Variants in MYT1L observed in about 807,000 individuals in gnomAD.
The protein encoded by MYT1L is myelin transcription factor 1 like, also known as myelin transcription factor 1-like protein.
Under a neutral mutation model 126.7 loss-of-function variants are expected in MYT1L, and 12 were observed. The observed-to-expected ratio is 0.09, with a 90% CI of 0.06 to 0.15. The LOEUF (loss-of-function observed/expected upper bound fraction) is 0.15. Among genes scored for constraint, MYT1L ranks in the 10% least tolerant of loss-of-function variants. The pLI is 1.00. For missense variants in MYT1L, 979 were observed against 1,585.2 expected, an observed-to-expected ratio of 0.62 and a Z score of 6.49; for synonymous variants, 541 against 604.2, an observed-to-expected ratio of 0.90 and a Z score of 1.53.
chr2:1,942,901 T>C (rs2056809103), intron 9 of MYT1L, 81 bp downstream of exon 9: 2 of 1,453,132 alleles, frequency 1.4e-6, no homozygotes, highest in Admixed American at 2.6e-5. Flanking sequence ...ATGCCAGTCA[T>C]TCGTAGTAAC....
chr2:2,075,221 G>C (rs938759205), intron 3 of MYT1L, among the ~76,000 whole-genome samples: 1 of 152,162 alleles, frequency 6.6e-6, no homozygotes, highest in Admixed American at 6.5e-5. Context: ...CCTTTTTGGG[G>C]CAGAGGAAAT....
chr2:2,063,477 T>C (rs1325864049), intron 3 of MYT1L, among the ~76,000 whole-genome samples: 1 of 152,130 alleles, frequency 6.6e-6, no homozygotes, highest in Non-Finnish European at 1.5e-5. Flanking sequence ...GGCTCCTGAC[T>C]AGGGGTGCCT....
Position 2,069,361 on chromosome 2 carries a change from T to C in MYT1L, c.-303-15238A>G, listed in dbSNP as rs181236357. ...TCTTGTGTTAGTTTGCTGAGAATGA[T>C]GGTTTCCAACTTCATCCATGTCCCT... On this transcript the variant is annotated intron_variant, in intron 3 of 24. Transcript: ENST00000647738. 3.9e-4 allele frequency among the ~76,000 whole-genome samples: 59 copies of C among 152,302 alleles called. No homozygotes were observed. In the East Asian group the frequency reaches 8.3e-3, roughly 21 times the overall value.
chr2:2,081,842 C>T (rs1014328131), intron 3 of MYT1L, among the ~76,000 whole-genome samples: 2 of 152,072 alleles, frequency 1.3e-5, no homozygotes, highest in Admixed American at 6.6e-5. Context: ...TGGGTTCAAG[C>T]GATTCTCCTG....
chr2:2,040,222 C>T (rs1455163257), intron 4 of MYT1L, among the ~76,000 whole-genome samples: 1 of 152,218 alleles, frequency 6.6e-6, no homozygotes, highest in Non-Finnish European at 1.5e-5. Context: ...GCACTTGACA[C>T]TGTGCTGAGC....
In MYT1L at chr2:2,013,059, T is replaced by C. The variant is rs979215508; in HGVS notation, c.-157-15712A>G. 3.9e-5 allele frequency among the ~76,000 whole-genome samples: 6 copies of C among 152,162 alleles called. No individual in the cohort carries two copies. The East Asian group carries it at 1.2e-3, about 29-fold the overall frequency. On this transcript the variant is annotated intron_variant, in intron 4 of 24. Coordinates refer to ENST00000647738, the MANE Select transcript of MYT1L (RefSeq NM_001303052.2). ...TGCCCACGGGGGGTCTTGGAATGTATCCCACAGATACAGGAGAACACGCGA... is the reference window on the plus strand; with the variant it reads ...TGCCCACGGGGGGTCTTGGAATGTACCCCACAGATACAGGAGAACACGCGA...
intron 5 of MYT1L, among the ~76,000 whole-genome samples, chr2:1,981,141 A>G (rs2060579388): frequency 6.6e-6 from 1 of 152,228 alleles, no homozygotes; most frequent in Non-Finnish European, 1.5e-5. Context: ...AGAAATCCAC[A>G]TGGACAGTGC....
chr2:1,814,040 AAAAG>A (rs1447210793), intron 21 of MYT1L, among the ~76,000 whole-genome samples: 3 of 149,218 alleles, frequency 2.0e-5, no homozygotes, highest in Non-Finnish European at 3.0e-5. Context: ...AAAAAAAAAA[AAAAG>A]AAAGAAAAAT....
At chr2:1,840,700 G>T in intron 20 of MYT1L, 60 bp downstream of exon 20, 1 of 1,232,994 alleles carries the variant, frequency 8.1e-7, no homozygotes, top group Non-Finnish European at 1.2e-6. Flanking sequence ...TGCTTTGCTT[G>T]AATGCCTCGT....
chr2:2,211,807 A>AGAG (rs761609526), intron 2 of MYT1L, among the ~76,000 whole-genome samples: 1 of 149,296 alleles, frequency 6.7e-6, no homozygotes, highest in Non-Finnish European at 1.5e-5. Flanking sequence ...CCATGTCAAA[A>AGAG]AAAAAAAAAA....
At chr2:2,157,941 C>T (rs1394942334) in intron 3 of MYT1L, among the ~76,000 whole-genome samples, 3 of 152,068 alleles carry the variant, frequency 2.0e-5, no homozygotes, top group Non-Finnish European at 4.4e-5. Flanking sequence ...AGGCCTCGCA[C>T]CAGAGAGACC....
At chr2:1,931,381 G>A (rs571673177) in intron 9 of MYT1L, among the ~76,000 whole-genome samples, 13 of 151,614 alleles carry the variant, frequency 8.6e-5, no homozygotes, top group Admixed American at 4.0e-4. Flanking sequence ...CACCCTCAGC[G>A]ATGCCCACGT....
intron 8 of MYT1L, among the ~76,000 whole-genome samples, chr2:1,963,296 T>C (rs143725694): frequency 1.8e-4 from 27 of 152,348 alleles, no homozygotes; most frequent in Non-Finnish European, 1.2e-4. Context: ...TACTAAACCA[T>C]GCTGTAAACA....
chr2:2,303,287 C>T (rs749175525), intron 1 of MYT1L, among the ~76,000 whole-genome samples: 17 of 152,274 alleles, frequency 1.1e-4, no homozygotes, highest in South Asian at 2.1e-4. Context: ...CTCGGCTTGG[C>T]GGGCCGAGCC....
intron 19 of MYT1L, chr2:1,842,018 G>A (rs557077190): frequency 6.6e-6 from 1 of 152,292 alleles, no homozygotes; most frequent in African/African-American, 2.4e-5. Context: ...AAAACAAATG[G>A]GATTTTTGGA....
chr2:2,295,783 G>GAGAC (rs1191939746), intron 1 of MYT1L, among the ~76,000 whole-genome samples: 6,163 of 126,694 alleles, frequency 0.049, 514 homozygotes, highest in African/African-American at 0.13. Flanking sequence ...GAGAGATAGA[G>GAGAC]AGACAGACAG....
At chr2:2,266,107 G>T (rs568483947) in intron 2 of MYT1L, among the ~76,000 whole-genome samples, 1 of 152,178 alleles carries the variant, frequency 6.6e-6, no homozygotes, top group Non-Finnish European at 1.5e-5. Context: ...TCACAAGTAT[G>T]ACCTCATTCA....
chr2:1,912,245 CCAGGAAAA>C lies in MYT1L; in HGVS notation c.1619-143_1619-136del, dbSNP rs1232627541. 1.5e-5 allele frequency: 8 copies of C among 529,100 alleles called. No individual in the cohort carries two copies. Among genetic ancestry groups the C allele is most frequent in the Non-Finnish European group, 2.7e-5 (8 of 301,634 alleles). The allele number at this position is 529,100 out of a possible 1,614,324, so 32.8% of individuals were successfully genotyped here. A position where few individuals can be genotyped will look rare whatever the true frequency, so the allele number is the denominator to read the frequency against. ...CTACAAACGTTTGTGATGGGCATGG[CCAGGAAAA>C]CACACATGGGAGGAGAAAGAAGGTT... On this transcript the variant is annotated intron_variant, in intron 11 of 24. Transcript: ENST00000647738. This position sits in a 1 kb window ranked among gnomAD's most constrained non-coding sequence, Gnocchi z 4.3.
intron 2 of MYT1L, among the ~76,000 whole-genome samples, chr2:2,180,650 ACCTGTGTATG>A (rs1323210396): frequency 8.1e-5 from 12 of 147,748 alleles, no homozygotes; most frequent in Non-Finnish European, 1.5e-4. Flanking sequence ...CTGTATCTGT[ACCTGTGTATG>A]CCTGTGTGTG....
Sources: gnomAD v4.1 joint callset for allele counts (sites outside exome capture counted in the v4.1 genomes callset) on GRCh38, gnomAD v4.1.1 for gene constraint, Gnocchi (gnomAD v3.1) non-coding constraint, MANE v1.5 for transcripts, NCBI Gene and HGNC (gene_info 2026-07-23, HGNC 2026-07-21) for gene names.